The following BMPR2 variants were observed in gnomAD, a reference collection of about 807,000 sequenced individuals.
BMPR2 encodes bone morphogenetic protein receptor type-2.
A neutral mutation model predicts 100.8 loss-of-function variants in BMPR2; 29 were observed. The ratio of observed to expected loss-of-function variants is 0.29; its 90% CI spans 0.21 to 0.39. The LOEUF (loss-of-function observed/expected upper bound fraction) is 0.39, where lower values mean the gene tolerates loss of function less well. Among genes scored for constraint, BMPR2 ranks in the 10% least tolerant of loss-of-function variants. BMPR2 has a pLI of 1.00. For missense variants in BMPR2, 1,011 were observed against 1,274.5 expected, an observed-to-expected ratio of 0.79 and a Z score of 3.15; for synonymous variants, 382 against 442.3, an observed-to-expected ratio of 0.86 and a Z score of 1.71.
chr2:202,418,620 G>A (rs180763275), intron 1 of BMPR2, among the ~76,000 whole-genome samples: 1 of 152,296 alleles, frequency 6.6e-6, no homozygotes, highest in Non-Finnish European at 1.5e-5. Context: ...GTTCAGAAAG[G>A]GGGGACTTCC....
intron 9 of BMPR2, among the ~76,000 whole-genome samples, chr2:202,535,425 G>A (rs1174703765): frequency 2.6e-5 from 4 of 151,642 alleles, no homozygotes; most frequent in Non-Finnish European, 2.9e-5. Context: ...GCTGGGCAGA[G>A]GCGCTCCTCA....
chr2:202,493,689 C>T (rs1179168866), intron 3 of BMPR2, among the ~76,000 whole-genome samples: 1 of 151,966 alleles, frequency 6.6e-6, no homozygotes, highest in Non-Finnish European at 1.5e-5. Flanking sequence ...ATTGTAAATA[C>T]TTATGGAGCT....
At chr2:202,492,657 G>T (rs1007835769) in intron 3 of BMPR2, among the ~76,000 whole-genome samples, 1 of 126,254 alleles carries the variant, frequency 7.9e-6, no homozygotes, top group Non-Finnish European at 1.6e-5. Context: ...CAGAGATCCC[G>T]CCATTGCACT....
intron 1 of BMPR2, among the ~76,000 whole-genome samples, chr2:202,408,932 G>T (rs951032847): frequency 1.3e-5 from 2 of 152,190 alleles, no homozygotes; most frequent in Non-Finnish European, 2.9e-5. Context: ...GACGTTTTCA[G>T]TTGATTCATT....
intron 1 of BMPR2, among the ~76,000 whole-genome samples, chr2:202,417,380 G>A (rs546733803): frequency 5.9e-5 from 9 of 152,202 alleles, no homozygotes; most frequent in South Asian, 4.1e-4. Flanking sequence ...TCGGCTCACC[G>A]CAGCCTCCGC....
intron 3 of BMPR2, among the ~76,000 whole-genome samples, chr2:202,511,800 A>C (rs1041350188): frequency 3.3e-5 from 5 of 152,058 alleles, no homozygotes; most frequent in Non-Finnish European, 5.9e-5. Flanking sequence ...GGGCACATCA[A>C]CTTGAGGCCA....
chr2:202,491,498 A>G (rs1185712379), intron 3 of BMPR2, among the ~76,000 whole-genome samples: 1 of 151,498 alleles, frequency 6.6e-6, no homozygotes, highest in Non-Finnish European at 1.5e-5. Flanking sequence ...ATCTCGGCTC[A>G]CTGCAACCTC....
chr2:202,442,010 G>C (rs1431510161), intron 1 of BMPR2, among the ~76,000 whole-genome samples: 1 of 150,066 alleles, frequency 6.7e-6, no homozygotes, highest in Admixed American at 6.6e-5. Context: ...TCCAGCCTGG[G>C]GGACAAGAGC....
intron 3 of BMPR2, among the ~76,000 whole-genome samples, chr2:202,492,789 A>G (rs1185585625): frequency 2.0e-5 from 3 of 151,830 alleles, no homozygotes; most frequent in South Asian, 2.1e-4. Flanking sequence ...GGAAACAACT[A>G]GGAAACAGAC....
chr2:202,514,421 C>G (rs1160314139), intron 4 of BMPR2, among the ~76,000 whole-genome samples: 4 of 152,230 alleles, frequency 2.6e-5, no homozygotes, highest in African/African-American at 4.8e-5. Flanking sequence ...CAGGCGTGAG[C>G]CACTGCGTCC....
chr2:202,471,261 G>T (rs1692432255), intron 3 of BMPR2, among the ~76,000 whole-genome samples: 1 of 152,178 alleles, frequency 6.6e-6, no homozygotes, highest in Admixed American at 6.6e-5. Flanking sequence ...ACTGGTAAAT[G>T]TAGGATTGCT....
At chr2:202,511,115 C>T (rs758599316) in intron 3 of BMPR2, among the ~76,000 whole-genome samples, 1 of 151,986 alleles carries the variant, frequency 6.6e-6, no homozygotes, top group Non-Finnish European at 1.5e-5. Flanking sequence ...TTTTCATCAC[C>T]CCACAAGGGA....
At chr2:202,502,146 T>A (rs6715927) in intron 3 of BMPR2, among the ~76,000 whole-genome samples, 29,849 of 152,216 alleles carry the variant, frequency 0.2, 3,803 homozygotes, top group African/African-American at 0.36. Flanking sequence ...GCTTATCTAA[T>A]CCTACATGCC....
intron 1 of BMPR2, among the ~76,000 whole-genome samples, chr2:202,387,339 T>C (rs1397253305): frequency 6.6e-6 from 1 of 152,244 alleles, no homozygotes; most frequent in Non-Finnish European, 1.5e-5. Context: ...ACATATTTAC[T>C]GTGTTATCTC....
chr2:202,532,038 C>T lies in BMPR2; in HGVS notation c.1129-547C>T, dbSNP rs576649303. Among the ~76,000 whole-genome samples the T allele has an allele frequency of 3.1e-4, 43 of 138,426 alleles. No individual in the cohort carries two copies. The East Asian group carries it at 3.8e-3, about 12-fold the overall frequency. The allele number at this position is 138,426 out of a possible 152,430, so 90.8% of individuals were successfully genotyped here. On this transcript the variant is annotated intron_variant, in intron 8 of 12. Coordinates refer to ENST00000374580, the MANE Select transcript of BMPR2 (RefSeq NM_001204.7). The surrounding 1 kb of genome is among the most constrained non-coding windows in gnomAD (Gnocchi z 4.1). ...CACTGCAAGCTCCATCTCCCGGGTT[C>T]ACGCTATTTTCCTGCCTCGGCCTCC... is the stretch of plus-strand genomic sequence containing the variant.
At chr2:202,467,475 C>A (rs762275061) in intron 2 of BMPR2, 44 bp from the exon 3 acceptor site, 15 of 1,497,814 alleles carry the variant, frequency 1.0e-5, no homozygotes, top group Non-Finnish European at 1.2e-5. Context: ...TCTTAGTTTT[C>A]TTTATCATAT....
chr2:202,393,894 A>AGAGAGC (rs1553494909), intron 1 of BMPR2, among the ~76,000 whole-genome samples: 3 of 96,874 alleles, frequency 3.1e-5, no homozygotes, highest in Non-Finnish European at 6.3e-5. Context: ...AGAGAGAGAG[A>AGAGAGC]GAGAGAGAGA....
intron 1 of BMPR2, among the ~76,000 whole-genome samples, chr2:202,460,388 G>A (rs746714483): frequency 2.7e-5 from 4 of 147,128 alleles, no homozygotes; most frequent in Non-Finnish European, 4.5e-5. Context: ...AAAAAGCCCA[G>A]TGTTTAAATT....
In BMPR2 at chr2:202,377,611, C is replaced by T. The variant is rs767010645; in HGVS notation, c.76+61C>T. Reference sequence around the variant, plus strand: ...CCCTGCGGGTGGCGAGGGAGGGAGCCCGCAGAGGCCGAGGCCTGTGCTTGC... The same window carrying T: ...CCCTGCGGGTGGCGAGGGAGGGAGCTCGCAGAGGCCGAGGCCTGTGCTTGC... On this transcript the variant is annotated intron_variant, in intron 1 of 12. Coordinates refer to ENST00000374580, the MANE Select transcript of BMPR2 (RefSeq NM_001204.7). 604 of 1,578,422 alleles carry T rather than the reference C, an allele frequency of 3.8e-4. 1 individual carries two copies. The highest frequency in any genetic ancestry group is 3.1e-4 in the Non-Finnish European group (362 of 1,149,436).
Sources: gnomAD v4.1 joint callset for allele counts (sites outside exome capture counted in the v4.1 genomes callset) on GRCh38, gnomAD v4.1.1 for gene constraint, Gnocchi (gnomAD v3.1) non-coding constraint, MANE v1.5 for transcripts, NCBI Gene and HGNC (gene_info 2026-07-23, HGNC 2026-07-21) for gene names.